Variants in DNAJC10 observed in about 807,000 individuals in gnomAD.
DNAJC10 encodes the protein DnaJ heat shock protein family (Hsp40) member C10, also known as endoplasmic reticulum disulfide reductase DNAJC10.
In DNAJC10, 101 loss-of-function variants were observed where a neutral mutation model predicts 115.0. That is an observed-to-expected ratio of 0.88 (90% CI 0.75 to 1.04). The LOEUF (loss-of-function observed/expected upper bound fraction) is 1.04, where lower values mean the gene tolerates loss of function less well. Ranked by LOEUF, DNAJC10 falls within the 50% of genes least tolerant of loss-of-function variation. The pLI is 0.00. For synonymous variants in DNAJC10, 307 were observed against 301.5 expected (o/e 1.02, Z -0.19); for missense variants, 981 against 928.8 (o/e 1.06, Z -0.73).
intron 5 of DNAJC10, among the ~76,000 whole-genome samples, chr2:182,722,946 A>G (rs946977485): frequency 4.6e-5 from 7 of 152,056 alleles, no homozygotes; most frequent in African/African-American, 1.4e-4. Flanking sequence ...CAAAAAATAC[A>G]TATAAATCTA....
chr2:182,776,696 T>C (rs1694715591), intron 23 of DNAJC10, among the ~76,000 whole-genome samples: 2 of 152,210 alleles, frequency 1.3e-5, no homozygotes, highest in African/African-American at 2.4e-5. Flanking sequence ...GAAAGAGTTA[T>C]GAGTCTGTAT....
At position 182,777,126 on chromosome 2, in the gene DNAJC10, A is replaced by G. The variant is rs1231671262; in HGVS notation, c.2376A>G (p.Glu792=). 1 of 1,415,902 alleles carries G rather than the reference A, an allele frequency of 7.1e-7. No homozygotes were observed. The highest frequency in any genetic ancestry group is 2.2e-5 in the Admixed American group (1 of 45,294). 87.7% of individuals were successfully genotyped at this position (1,415,902 alleles called of 1,614,324 possible). A position where few individuals can be genotyped will look rare whatever the true frequency, so the allele number is the denominator to read the frequency against. The stretch of plus-strand genomic sequence containing the variant: ...CCTTTACATTATTATTATAGGATGA[A>G]CTTTGATAATGTTGAAGATGAAGAA... ...LRNQGKRNKD[E]L The change falls in exon 24 of 24, where the codon GAA becomes GAG. Residue 792 remains glutamate, a synonymous_variant. Transcript: ENST00000264065.
At position 182,792,440 on chromosome 2, in the gene DNAJC10, T is replaced by C. The variant is rs1157599623; in HGVS notation, c.*15308T>C. ...ACAGCTGTTATAAACCCTGGTAGAA[T>C]TGATTGGTTTCCTTTTCAGCTTCCT... On this transcript the variant is annotated 3_prime_UTR_variant, in exon 24 of 24. Transcript: ENST00000264065. 1.3e-5 allele frequency: 2 copies of C among 152,240 alleles called. No individual in the cohort carries two copies. The highest frequency in any genetic ancestry group is 6.5e-5 in the Admixed American group (1 of 15,280). The allele number at this position is 152,240 out of a possible 1,614,324, so 9.4% of individuals were successfully genotyped here. A position where few individuals can be genotyped will look rare whatever the true frequency, so the allele number is the denominator to read the frequency against.
rs1341822888 is a variant in DNAJC10, at chr2:182,787,139, A to AT, written c.*10008dup. ...TGTTATAGCAGCCTGGACAGACAAT[A>AT]TATTGAAAAAAATCAGTTTTGCAGT... On this transcript the variant is annotated 3_prime_UTR_variant, in exon 24 of 24. Transcript: ENST00000264065. 6.6e-6 allele frequency: 1 copy of AT among 152,182 alleles called. No individual in the cohort carries two copies. Among genetic ancestry groups the AT allele is most frequent in the Non-Finnish European group, 1.5e-5 (1 of 68,056 alleles). 9.4% of individuals were successfully genotyped at this position (152,182 alleles called of 1,614,324 possible). A position where few individuals can be genotyped will look rare whatever the true frequency, so the allele number is the denominator to read the frequency against.
intron 17 of DNAJC10, 131 bp downstream of exon 17, chr2:182,755,235 A>T: frequency 1.5e-6 from 1 of 645,846 alleles, no homozygotes; most frequent in East Asian, 2.8e-5. Context: ...AATGATTTTT[A>T]AAGAATTTTT....
intron 21 of DNAJC10, 113 bp from the exon 22 acceptor site, chr2:182,762,568 TA>T (rs916929058): frequency 1.1e-5 from 12 of 1,126,786 alleles, no homozygotes; most frequent in Non-Finnish European, 8.7e-6. Flanking sequence ...TAGGAAGAAT[TA>T]AAGTTTTTTA....
At chr2:182,743,146 CCTT>C (rs1221331681) in intron 13 of DNAJC10, among the ~76,000 whole-genome samples, 1 of 152,106 alleles carries the variant, frequency 6.6e-6, no homozygotes, top group Non-Finnish European at 1.5e-5. Context: ...TGCGCCTGGC[CCTT>C]CTTGTTTCTT....
chr2:182,726,889 G>A (rs1693299029), intron 5 of DNAJC10, among the ~76,000 whole-genome samples: 1 of 143,624 alleles, frequency 7.0e-6, no homozygotes, highest in Non-Finnish European at 1.5e-5. Flanking sequence ...GTGCCACCAT[G>A]TCCAGCTATT....
rs1694969792 is a variant in DNAJC10 at position 182,787,545 on chromosome 2, G to A, written c.*10413G>A. 1 of 152,196 alleles carries A rather than the reference G, an allele frequency of 6.6e-6. No individual in the cohort carries two copies. Among genetic ancestry groups the A allele is most frequent in the South Asian group, 2.1e-4 (1 of 4,834 alleles). 9.4% of individuals were successfully genotyped at this position (152,196 alleles called of 1,614,324 possible). A position where few individuals can be genotyped will look rare whatever the true frequency, so the allele number is the denominator to read the frequency against. On this transcript the variant is annotated 3_prime_UTR_variant, in exon 24 of 24. Coordinates refer to ENST00000264065, the MANE Select transcript of DNAJC10 (RefSeq NM_018981.4). ...TGAAAGTTCACATGCTTGGTTAGCA[G>A]TCTTAACCTCTAACCAACTGAACAA...
rs953650837 is a variant in DNAJC10 at position 182,778,273 on chromosome 2, CAG to C, written c.*1144_*1145del. 6.6e-6 allele frequency: 1 copy of C among 152,132 alleles called. No homozygotes were observed. The highest frequency in any genetic ancestry group is 1.5e-5 in the Non-Finnish European group (1 of 68,012). 9.4% of individuals were successfully genotyped at this position (152,132 alleles called of 1,614,324 possible). The stretch of plus-strand genomic sequence containing the variant: ...GTTATTCCAGTTACTAGTTTACTGT[CAG>C]AGGGCTGCCTTTTTCAGATAAATAT... On this transcript the variant is annotated 3_prime_UTR_variant, in exon 24 of 24. Coordinates refer to ENST00000264065, the MANE Select transcript of DNAJC10 (RefSeq NM_018981.4).
At chr2:182,762,490 G>A (rs1694310438) in intron 21 of DNAJC10, among the ~76,000 whole-genome samples, 192 bp from the exon 22 acceptor site, 1 of 152,132 alleles carries the variant, frequency 6.6e-6, no homozygotes, top group South Asian at 2.1e-4. Flanking sequence ...GGGTTTATTT[G>A]CTGTTGGAGA....
chr2:182,722,095 GT>G lies in DNAJC10; in HGVS notation c.418+24del. 1 of 1,531,426 alleles carries G rather than the reference GT, an allele frequency of 6.5e-7. No homozygotes were observed. The highest frequency in any genetic ancestry group is 8.9e-7 in the Non-Finnish European group (1 of 1,128,244). The allele number at this position is 1,531,426 out of a possible 1,614,324, so 94.9% of individuals were successfully genotyped here. A position where few individuals can be genotyped will look rare whatever the true frequency, so the allele number is the denominator to read the frequency against. The stretch of plus-strand genomic sequence containing the variant: ...AATTTGGTAAGTTTGTGGGCTTAAG[GT>G]TTTATAAAACTAATACAAGTTCGAT... On this transcript the variant is annotated intron_variant, in intron 5 of 23. Coordinates refer to ENST00000264065, the MANE Select transcript of DNAJC10 (RefSeq NM_018981.4).
chr2:182,735,442 T>G (rs1271168522), intron 10 of DNAJC10, among the ~76,000 whole-genome samples: 1 of 152,036 alleles, frequency 6.6e-6, no homozygotes, highest in Non-Finnish European at 1.5e-5. Flanking sequence ...CAAGATCTAT[T>G]CTTTCTTAGC....
At chr2:182,732,070 A>G (rs1015252747) in intron 9 of DNAJC10, among the ~76,000 whole-genome samples, 1 of 152,122 alleles carries the variant, frequency 6.6e-6, no homozygotes, top group Non-Finnish European at 1.5e-5. Flanking sequence ...CAGAACTTTC[A>G]TAAAAATAGT....
At chr2:182,761,460 G>T (rs762800774) in intron 21 of DNAJC10, among the ~76,000 whole-genome samples, 1 of 152,132 alleles carries the variant, frequency 6.6e-6, no homozygotes, top group Non-Finnish European at 1.5e-5. Context: ...GTAAACCCCT[G>T]CCTTGGGGAC....
chr2:182,772,030 C>T (rs1044783272), intron 22 of DNAJC10, among the ~76,000 whole-genome samples: 2 of 152,136 alleles, frequency 1.3e-5, no homozygotes, highest in Non-Finnish European at 2.9e-5. Context: ...TCTTTGTTGC[C>T]ATTGGTTTCA....
intron 21 of DNAJC10, among the ~76,000 whole-genome samples, chr2:182,759,523 A>T (rs1278038762): frequency 6.6e-6 from 1 of 152,014 alleles, no homozygotes. Context: ...GGTAGACATC[A>T]TCATCTACTA....
chr2:182,733,925 T>C (rs576225992), intron 10 of DNAJC10, among the ~76,000 whole-genome samples: 18 of 151,566 alleles, frequency 1.2e-4, no homozygotes, highest in African/African-American at 4.1e-4. Flanking sequence ...GTACATAATA[T>C]CCTATTTTTT....
At chr2:182,731,953 A>G (rs1027825753) in intron 9 of DNAJC10, among the ~76,000 whole-genome samples, 3 of 152,150 alleles carry the variant, frequency 2.0e-5, no homozygotes, top group African/African-American at 7.2e-5. Context: ...AGATTCTTTT[A>G]CTTCTCACCT....
Sources: allele counts gnomAD v4.1 joint callset (sites outside exome capture counted in the v4.1 genomes callset), GRCh38; gene constraint gnomAD v4.1.1; transcripts MANE v1.5; gene names NCBI Gene and HGNC (gene_info 2026-07-23, HGNC 2026-07-21).